The following PARP11 variants were observed in gnomAD, a reference collection of about 807,000 sequenced individuals.
The protein encoded by PARP11 is protein mono-ADP-ribosyltransferase PARP11.
PARP11 carries 31 observed loss-of-function variants against 42.9 expected under a neutral mutation model. The ratio of observed to expected loss-of-function variants is 0.72; its 90% CI spans 0.54 to 0.98. The LOEUF (loss-of-function observed/expected upper bound fraction) is 0.98. PARP11 is among the 50% of genes least tolerant of loss of function. The pLI is 0.00. For synonymous variants in PARP11, 137 were observed against 127.3 expected (o/e 1.08, Z -0.51); for missense variants, 365 against 413.1 (o/e 0.88, Z 1.01).
chr12:3,842,981 G>A (rs537136504), intron 1 of PARP11, among the ~76,000 whole-genome samples: 1 of 152,234 alleles, frequency 6.6e-6, no homozygotes, highest in South Asian at 2.1e-4. Flanking sequence ...ATTATGCAAT[G>A]CCTTAGTCAT....
chr12:3,847,802 A>G (rs1176583575), intron 1 of PARP11, among the ~76,000 whole-genome samples: 2 of 152,220 alleles, frequency 1.3e-5, no homozygotes, highest in African/African-American at 4.8e-5. Flanking sequence ...ACTCAACATG[A>G]TATTGGAAGT....
Position 3,839,303 on chromosome 12 carries a change from T to C in PARP11, c.19-9285A>G, listed in dbSNP as rs367871580. On this transcript the variant is annotated intron_variant, in intron 1 of 7. Coordinates refer to ENST00000228820, the MANE Select transcript of PARP11 (RefSeq NM_020367.6). Reference sequence around the variant, plus strand: ...CTGGCCTGCAGCAGGACCAGCAACATGGAGGCGGCCGTCGGCGTCCCCGAC... The same window carrying C: ...CTGGCCTGCAGCAGGACCAGCAACACGGAGGCGGCCGTCGGCGTCCCCGAC... Among the ~76,000 whole-genome samples, 57 of 151,510 alleles carry C rather than the reference T, an allele frequency of 3.8e-4. No homozygotes were observed. The East Asian group carries it at 9.6e-3, about 25-fold the overall frequency.
At chr12:3,820,867 T>C (rs943876412) in intron 6 of PARP11, among the ~76,000 whole-genome samples, 4 of 152,192 alleles carry the variant, frequency 2.6e-5, no homozygotes, top group African/African-American at 9.7e-5. Context: ...AGCCCCTTAT[T>C]ACCATAAACT....
chr12:3,814,170 C>G lies in PARP11; in HGVS notation c.567G>C (p.Lys189Asn), dbSNP rs749334415. ...TAATCTGAGGCACACCTCTTTTTTT[C>G]TTGAGCTGAGCCTTTTTCCTAAAAA... ...EFFCRKKAQL[K>N]KKRGVPQINE... Residue 189 changes from lysine to asparagine, a missense_variant, in exon 7 of 8, where the codon AAG becomes AAC. Coordinates refer to ENST00000228820, the MANE Select transcript of PARP11 (RefSeq NM_020367.6). The G allele has an allele frequency of 6.2e-7, 1 of 1,602,014 alleles. No homozygotes were observed. The highest frequency in any genetic ancestry group is 2.2e-5 in the East Asian group (1 of 44,590).
At chr12:3,846,161 G>C (rs1462784854) in intron 1 of PARP11, among the ~76,000 whole-genome samples, 5 of 151,768 alleles carry the variant, frequency 3.3e-5, no homozygotes, top group Non-Finnish European at 7.4e-5. Context: ...ATTTTTCTAT[G>C]TTCTGTTTTG....
intron 1 of PARP11, among the ~76,000 whole-genome samples, chr12:3,830,312 A>G (rs945645236): frequency 6.6e-6 from 1 of 152,214 alleles, no homozygotes; most frequent in Non-Finnish European, 1.5e-5. Flanking sequence ...AGGTTTCAGC[A>G]TAGCCCCAAG....
chr12:3,872,455 T>C (rs1948504420), intron 1 of PARP11: 1 of 948,664 alleles, frequency 1.1e-6, no homozygotes, highest in East Asian at 1.2e-4. Context: ...GCACTTTAAA[T>C]AAATAAATGT....
chr12:3,868,057 C>G (rs1184233555), intron 1 of PARP11, among the ~76,000 whole-genome samples: 1 of 152,116 alleles, frequency 6.6e-6, no homozygotes, highest in Non-Finnish European at 1.5e-5. Context: ...AAAATGTGGT[C>G]TAACCTACAT....
At chr12:3,837,419 T>C (rs1002389592) in intron 1 of PARP11, among the ~76,000 whole-genome samples, 4 of 152,202 alleles carry the variant, frequency 2.6e-5, no homozygotes, top group Non-Finnish European at 4.4e-5. Flanking sequence ...TTTGTAAGTC[T>C]TGCGGTAACC....
At chr12:3,847,960 G>C (rs1948032011) in intron 1 of PARP11, among the ~76,000 whole-genome samples, 1 of 152,082 alleles carries the variant, frequency 6.6e-6, no homozygotes, top group Admixed American at 6.5e-5. Flanking sequence ...GATAAATTCA[G>C]TAAAACTGCA....
At chr12:3,839,523 G>C (rs1160432495) in intron 1 of PARP11, 2 of 1,593,432 alleles carry the variant, frequency 1.3e-6, no homozygotes, top group East Asian at 2.2e-5. Flanking sequence ...GTCTTCGAGA[G>C]AACAGAGAGA....
At chr12:3,814,271 A>G in intron 6 of PARP11, 83 bp from the exon 7 acceptor site, 1 of 1,117,126 alleles carries the variant, frequency 9.0e-7, no homozygotes, top group Non-Finnish European at 1.2e-6. Context: ...AGCAAGGTTC[A>G]ATAGAAAGCG....
At chr12:3,819,895 A>G (rs1412850089) in intron 6 of PARP11, among the ~76,000 whole-genome samples, 9 of 152,122 alleles carry the variant, frequency 5.9e-5, no homozygotes, top group African/African-American at 1.9e-4. Context: ...ATTTCTGTTC[A>G]ATCTGAAGCT....
rs531318398 is a variant in PARP11, at chr12:3,846,629, C to T, written c.19-16611G>A. 5.1e-4 allele frequency among the ~76,000 whole-genome samples: 78 copies of T among 151,846 alleles called. 1 individual carries two copies. The highest frequency in any genetic ancestry group is 1.7e-3 in the South Asian group (8 of 4,812). On this transcript the variant is annotated intron_variant, in intron 1 of 7. Coordinates refer to ENST00000228820, the MANE Select transcript of PARP11 (RefSeq NM_020367.6). ...AAAATTAGCCAGGTGTGGTGGCAGG[C>T]GCCTGTAGTCCCAGCTACTCGGGAG...
chr12:3,810,782 AGAAGAG>A lies in PARP11; in HGVS notation c.*1335_*1340del, dbSNP rs139643894. On this transcript the variant is annotated 3_prime_UTR_variant, in exon 8 of 8. Coordinates refer to ENST00000228820, the MANE Select transcript of PARP11 (RefSeq NM_020367.6). ...AGAGAAAGAGGAAGAGGAGAGGAAGAGAAGAGGAAGAGGAAGACAGAAGAGAAGAGA... is the reference window on the plus strand; with the variant it reads ...AGAGAAAGAGGAAGAGGAGAGGAAGAGAAGAGGAAGACAGAAGAGAAGAGA... 7.2e-5 allele frequency: 11 copies of A among 152,082 alleles called. No homozygotes were observed. The highest frequency in any genetic ancestry group is 1.0e-4 in the Non-Finnish European group (7 of 68,116). The allele number at this position is 152,082 out of a possible 1,614,324, so 9.4% of individuals were successfully genotyped here.
intron 1 of PARP11, among the ~76,000 whole-genome samples, chr12:3,835,009 G>A (rs891447764): frequency 1.3e-5 from 2 of 152,090 alleles, no homozygotes; most frequent in African/African-American, 2.4e-5. Context: ...ATGAAGCCAG[G>A]GTTAAATGAA....
intron 1 of PARP11, among the ~76,000 whole-genome samples, chr12:3,843,516 T>C (rs1378983783): frequency 2.0e-5 from 3 of 152,256 alleles, no homozygotes; most frequent in Non-Finnish European, 4.4e-5. Context: ...TACACTTGCA[T>C]GTTCTCCTTG....
rs1030313957 is a variant in PARP11, at chr12:3,810,269, A to T, written c.*1854T>A. 4 of 152,226 alleles carry T rather than the reference A, an allele frequency of 2.6e-5. No homozygotes were observed. Among genetic ancestry groups the T allele is most frequent in the Admixed American group, 2.6e-4 (4 of 15,282 alleles). The allele number at this position is 152,226 out of a possible 1,614,324, so 9.4% of individuals were successfully genotyped here. A position where few individuals can be genotyped will look rare whatever the true frequency, so the allele number is the denominator to read the frequency against. On this transcript the variant is annotated 3_prime_UTR_variant, in exon 8 of 8. Coordinates refer to ENST00000228820, the MANE Select transcript of PARP11 (RefSeq NM_020367.6). The stretch of plus-strand genomic sequence containing the variant: ...AAAAGCTTTCTGAAAAAGGCTTGGT[A>T]TACGTGCTGTCTTTTAAAGGCAGAA...
chr12:3,812,375 C>A lies in PARP11; in HGVS notation c.765G>T (p.Gly255=). The A allele has an allele frequency of 6.2e-7, 1 of 1,614,098 alleles. No individual in the cohort carries two copies. The highest frequency in any genetic ancestry group is 8.5e-7 in the Non-Finnish European group (1 of 1,179,982). The change falls in exon 8 of 8, where the codon GGG becomes GGT. Residue 255 remains glycine (G), a synonymous_variant. Coordinates refer to ENST00000228820, the MANE Select transcript of PARP11 (RefSeq NM_020367.6). ...TGACACCATGAATTTGGAATGTGTT[C>A]CCATGCTTTATGTCATCTTTGCAGA... ...SRFCKDDIKH[G]NTFQIHGVSL...
Sources: gnomAD v4.1 joint callset for allele counts (sites outside exome capture counted in the v4.1 genomes callset) on GRCh38, gnomAD v4.1.1 for gene constraint, MANE v1.5 for transcripts, NCBI Gene and HGNC (gene_info 2026-07-23, HGNC 2026-07-21) for gene names.